Variants in HRH1 observed in about 807,000 individuals in gnomAD.
The protein encoded by HRH1 is histamine receptor H1.
A neutral mutation model predicts 10.3 loss-of-function variants in HRH1; 6 were observed. The observed-to-expected ratio is 0.58, with a 90% confidence interval of 0.32 to 1.15. HRH1 has a LOEUF of 1.15. HRH1 is among the 50% of genes most tolerant of loss of function. HRH1 has a pLI of 0.05. For missense variants in HRH1, 514 were observed against 615.3 expected (o/e 0.84, Z 1.74); for synonymous variants, 242 against 236.7 (o/e 1.02, Z -0.21).
At chr3:11,180,948 T>TACACACACACACACACACACACAC (rs71055851) in intron 1 of HRH1, among the ~76,000 whole-genome samples, 2 of 121,118 alleles carry the variant, frequency 1.7e-5, no homozygotes, top group African/African-American at 6.1e-5. Flanking sequence ...CTCTCAGGCA[T>TACACACACACACACACACACACAC]ACACACACAC....
rs200392409 is a variant in HRH1, at chr3:11,261,846, A to T, written c.*1345A>T. The T allele has an allele frequency of 4.2e-5, 7 of 166,564 alleles. No individual in the cohort carries two copies. In the South Asian group the frequency reaches 1.0e-3, roughly 25 times the overall value. 10.3% of individuals were successfully genotyped at this position (166,564 alleles called of 1,614,324 possible). On this transcript the variant is annotated 3_prime_UTR_variant, in exon 2 of 2. Coordinates refer to ENST00000431010, the MANE Select transcript of HRH1 (RefSeq NM_001098212.2). ...AGCAAGACTCTGTCTCAAAAAAAAA[A>T]ATACAATATTTTAACAATGTGCCCT...
chr3:11,212,705 C>T (rs1277995573), intron 1 of HRH1, among the ~76,000 whole-genome samples: 1 of 152,216 alleles, frequency 6.6e-6, no homozygotes, highest in East Asian at 1.9e-4. Context: ...TTTCGGCATT[C>T]ATTCACGTAA....
intron 1 of HRH1, among the ~76,000 whole-genome samples, chr3:11,249,048 A>C (rs1327016285): frequency 1.3e-5 from 2 of 152,188 alleles, no homozygotes; most frequent in African/African-American, 4.8e-5. Context: ...TTTAACTTCT[A>C]TAATGGTAAC....
chr3:11,213,728 C>G (rs1938402777), intron 1 of HRH1, among the ~76,000 whole-genome samples: 1 of 152,198 alleles, frequency 6.6e-6, no homozygotes, highest in Non-Finnish European at 1.5e-5. Context: ...TAATCACCTC[C>G]CAAAGCTCCA....
At chr3:11,163,847 G>A (rs1936976105) in intron 1 of HRH1, among the ~76,000 whole-genome samples, 1 of 151,966 alleles carries the variant, frequency 6.6e-6, no homozygotes, top group East Asian at 1.9e-4. Flanking sequence ...AGTCTTCCCT[G>A]AATACCCCCC....
chr3:11,224,249 C>G (rs1235703328), intron 1 of HRH1, among the ~76,000 whole-genome samples: 3 of 152,190 alleles, frequency 2.0e-5, no homozygotes, highest in African/African-American at 4.8e-5. Flanking sequence ...GAGAGAAAAG[C>G]TCTGCATAAA....
At chr3:11,258,903 C>A (rs1419683516) in intron 1 of HRH1, 100 bp from the exon 2 acceptor site, 1 of 797,840 alleles carries the variant, frequency 1.3e-6, no homozygotes, top group Admixed American at 2.9e-5. Context: ...GTGTTGATCA[C>A]CCCCAACAGC....
upstream of HRH1, among the ~76,000 whole-genome samples, chr3:11,153,266 G>A (rs1202947905): frequency 6.6e-6 from 1 of 152,156 alleles, no homozygotes; most frequent in Non-Finnish European, 1.5e-5. Context: ...ATTGTTGTGA[G>A]GATTAAATGA....
chr3:11,172,852 C>T (rs1937180187), intron 1 of HRH1, among the ~76,000 whole-genome samples: 1 of 152,016 alleles, frequency 6.6e-6, no homozygotes, highest in South Asian at 2.1e-4. Flanking sequence ...CAGGTGCCCG[C>T]CTCCACGCCC....
Position 11,260,655 on chromosome 3 carries a change from C to A in HRH1, c.*154C>A. The A allele has an allele frequency of 3.0e-6, 2 of 673,402 alleles. No individual in the cohort carries two copies. Among genetic ancestry groups the A allele is most frequent in the Non-Finnish European group, 2.6e-6 (1 of 386,484 alleles). 41.7% of individuals were successfully genotyped at this position (673,402 alleles called of 1,614,324 possible). ...TGGTAGTTTGGAAAGTTCTTAGGCACCATAGAAGAACAGCAGATGGCGGTG... is the reference window on the plus strand; with the variant it reads ...TGGTAGTTTGGAAAGTTCTTAGGCAACATAGAAGAACAGCAGATGGCGGTG... On this transcript the variant is annotated 3_prime_UTR_variant, in exon 2 of 2. Transcript: ENST00000431010.
chr3:11,152,285 T>C (rs73010391), upstream of HRH1, among the ~76,000 whole-genome samples: 6,149 of 152,244 alleles, frequency 0.04, 219 homozygotes, highest in East Asian at 0.11. Flanking sequence ...CTGCAGCCTG[T>C]ATGTTGTTAG....
chr3:11,158,120 A>G (rs1936852936), intron 1 of HRH1, among the ~76,000 whole-genome samples: 1 of 152,254 alleles, frequency 6.6e-6, no homozygotes, highest in African/African-American at 2.4e-5. Flanking sequence ...AGGCTAATAT[A>G]GCACCCACCT....
intron 1 of HRH1, among the ~76,000 whole-genome samples, chr3:11,203,349 G>A (rs954706921): frequency 1.3e-5 from 2 of 152,160 alleles, no homozygotes; most frequent in African/African-American, 2.4e-5. Flanking sequence ...CAAAATGGCT[G>A]TACCATTTTG....
At position 11,260,173 on chromosome 3, in the gene HRH1, G is replaced by T; in HGVS notation, c.1136G>T (p.Gly379Val). The T allele has an allele frequency of 6.2e-7, 1 of 1,613,922 alleles. No homozygotes were observed. Among genetic ancestry groups the T allele is most frequent in the Non-Finnish European group, 8.5e-7 (1 of 1,179,994 alleles). ...TAPGKGKLRS[G>V]SNTGLDYIKF... is the part of the protein sequence containing the mutation. ...CCAGGCAAAGGCAAATTGAGGAGTG[G>T]GTCTAACACAGGCCTGGATTACATC... The change falls in exon 2 of 2, where the codon GGG becomes GTG. Residue 379 changes from glycine (G) to valine (V), a missense_variant. Coordinates refer to ENST00000431010, the MANE Select transcript of HRH1 (RefSeq NM_001098212.2).
chr3:11,234,585 G>T, intron 1 of HRH1: 2 of 1,438,384 alleles, frequency 1.4e-6, no homozygotes, highest in Non-Finnish European at 2.0e-6. Context: ...GATCGTTGGG[G>T]TCATCAGCCA....
At chr3:11,144,484 C>CATATAGACATATAGACAT (rs1574968646) in intron 1 of HRH1, among the ~76,000 whole-genome samples, 12 of 21,056 alleles carry the variant, frequency 5.7e-4, no homozygotes, top group South Asian at 3.9e-3. Context: ...CATATATATA[C>CATATAGACATATAGACAT]ACACACACAC....
At position 11,168,653 on chromosome 3, in the gene HRH1, C is replaced by T. The variant is rs1574985442; in HGVS notation, c.-36+14099C>T. Among the ~76,000 whole-genome samples the T allele has an allele frequency of 3.3e-5, 5 of 152,220 alleles. No individual in the cohort carries two copies. The South Asian group carries it at 1.0e-3, about 32-fold the overall frequency. ...TCGTTGTGCCTGCGTCCTGGGGCAA[C>T]AGCGAGCATGCAGGGCCCTAGCAGG... On this transcript the variant is annotated intron_variant, in intron 1 of 1. Coordinates refer to ENST00000431010, the MANE Select transcript of HRH1 (RefSeq NM_001098212.2).
chr3:11,252,138 G>A (rs1310724574), intron 1 of HRH1, among the ~76,000 whole-genome samples: 1 of 152,208 alleles, frequency 6.6e-6, no homozygotes, highest in Non-Finnish European at 1.5e-5. Context: ...GGCTCGTCTT[G>A]TGTGAGCTTT....
chr3:11,144,750 CACG>C (rs982834179), intron 1 of HRH1, among the ~76,000 whole-genome samples: 42 of 151,910 alleles, frequency 2.8e-4, no homozygotes, highest in African/African-American at 9.9e-4. Context: ...TCTGGCCAAC[CACG>C]ACAACACTTA....
Sources: allele counts gnomAD v4.1 joint callset (sites outside exome capture counted in the v4.1 genomes callset), GRCh38; gene constraint gnomAD v4.1.1; transcripts MANE v1.5; gene names NCBI Gene and HGNC (gene_info 2026-07-23, HGNC 2026-07-21).